POLR1A: variants seen among roughly 807,000 people sequenced by gnomAD.
The protein encoded by POLR1A is RNA polymerase I subunit A, also known as DNA-directed RNA polymerase I subunit RPA1.
POLR1A carries 84 observed loss-of-function variants against 205.3 expected under a neutral mutation model. The observed-to-expected ratio is 0.41, with a 90% confidence interval of 0.34 to 0.49. The LOEUF is 0.49. POLR1A is among the 20% of genes least tolerant of loss of function. The pLI, the probability that POLR1A is intolerant of heterozygous loss-of-function variation, is 0.22. For missense variants in POLR1A, 1,645 were observed against 2,204.5 expected (o/e 0.75, Z 5.08); for synonymous variants, 799 against 863.7 (o/e 0.93, Z 1.31).
chr2:86,062,020 C>T lies in POLR1A; in HGVS notation c.2058+3254G>A, dbSNP rs140053905. On this transcript the variant is annotated intron_variant, in intron 14 of 33. Transcript: ENST00000263857. ...CTTTGAACAAATAATGAGAGACCTT[C>T]GGTTTGTAAATAGAAAATCAATCAA... Among the ~76,000 whole-genome samples, 180 of 152,244 alleles carry T rather than the reference C, an allele frequency of 1.2e-3. 3 individuals carry two copies. The highest frequency in any genetic ancestry group is 4.0e-3 in the African/African-American group (166 of 41,552).
Position 86,045,266 on chromosome 2 carries a change from G to A in POLR1A, c.2969+12C>T. On this transcript the variant is annotated intron_variant, in intron 21 of 33. Coordinates refer to ENST00000263857, the MANE Select transcript of POLR1A (RefSeq NM_015425.6). ...GCACTCTACCTCAAGGGGCACGGCA[G>A]ATACATTTTACCTTTGGAGATAGCC... 2.5e-6 allele frequency: 4 copies of A among 1,584,406 alleles called. No homozygotes were observed. The highest frequency in any genetic ancestry group is 1.1e-5 in the South Asian group (1 of 90,452).
At chr2:86,088,718 T>A (rs1673550396) in intron 5 of POLR1A, 49 bp from the exon 6 acceptor site, 1 of 1,596,080 alleles carries the variant, frequency 6.3e-7, no homozygotes, top group Non-Finnish European at 8.6e-7. Flanking sequence ...CCCAGTAAGA[T>A]ATTTAATAAT....
rs764885539 is a variant in POLR1A at position 86,075,117 on chromosome 2, G to A, written c.1524C>T (p.Ser508=). 69 of 1,613,232 alleles carry A rather than the reference G, an allele frequency of 4.3e-5. No homozygotes were observed. In the South Asian group the frequency reaches 4.4e-4, roughly 10 times the overall value. Residue 508 remains serine (S), a synonymous_variant, in exon 12 of 34, where the codon AGC becomes AGT. Transcript: ENST00000263857. The part of the protein sequence containing the change: ...INEDGSRTAL[S]AVDMTQREAV... ...CCTCTCGCTGGGTCATGTCCACAGC[G>A]CTCAGGGCTGTGCGGCTGCCGTCCT...
chr2:86,083,153 T>G lies in POLR1A; in HGVS notation c.746A>C (p.Gln249Pro). Reference protein sequence around the residue: ...DSEPLGIEEAQIGKRGYLTPT... With the variant: ...DSEPLGIEEAPIGKRGYLTPT... ...TGTTAAGTATCCTCGTTTTCCTATC[T>G]GAGCTTCCTCAATTCCTGGAGCCAA... Residue 249 changes from glutamine (Q) to proline (P), a missense_variant, in exon 7 of 34, where the codon CAG (glutamine) becomes CCG (proline). Around this residue, in one of 16 missense-constraint regions of POLR1A, gnomAD observed 330 missense variants for 375.6 expected, o/e 0.88. Coordinates refer to ENST00000263857, the MANE Select transcript of POLR1A (RefSeq NM_015425.6). The G allele has an allele frequency of 6.2e-7, 1 of 1,613,514 alleles. No individual in the cohort carries two copies. The highest frequency in any genetic ancestry group is 8.5e-7 in the Non-Finnish European group (1 of 1,179,408).
At chr2:86,098,348 C>A (rs1031009520) in intron 3 of POLR1A, among the ~76,000 whole-genome samples, 1 of 152,124 alleles carries the variant, frequency 6.6e-6, no homozygotes, top group African/African-American at 2.4e-5. Flanking sequence ...TTGAATAAAC[C>A]TTGATTGAAT....
rs1261246449 is a variant in POLR1A, at chr2:86,024,574, G to C, written c.*2849C>G. 6.6e-6 allele frequency: 1 copy of C among 152,158 alleles called. No homozygotes were observed. The highest frequency in any genetic ancestry group is 1.5e-5 in the Non-Finnish European group (1 of 68,056). The allele number at this position is 152,158 out of a possible 1,614,324, so 9.4% of individuals were successfully genotyped here. ...CTGTGGGAATGCTGATAGTGTTTCTGGTGAGAACCCAAAAAAGAGACACTA... is the reference window on the plus strand; with the variant it reads ...CTGTGGGAATGCTGATAGTGTTTCTCGTGAGAACCCAAAAAAGAGACACTA... On this transcript the variant is annotated 3_prime_UTR_variant, in exon 34 of 34. Transcript: ENST00000263857.
At position 86,027,435 on chromosome 2, in the gene POLR1A, C is replaced by A. The variant is rs372394583; in HGVS notation, c.5151G>T (p.Gln1717His). The change falls in exon 34 of 34, where the codon CAG (glutamine) becomes CAT (histidine). Residue 1717 changes from glutamine (Q) to histidine (H), a missense_variant. Gln to His is a conservative substitution (Grantham distance 24, BLOSUM62 0). Coordinates refer to ENST00000263857, the MANE Select transcript of POLR1A (RefSeq NM_015425.6). ...RGGTGLFELKQPLR is the reference protein window; with the variant it reads ...RGGTGLFELKHPLR ...GCCGGGGTAGCTGCTATCTCAGAGG[C>A]TGCTTGAGCTCGAACAGGCCTGTCC... The A allele has an allele frequency of 6.2e-7, 1 of 1,614,056 alleles. No individual in the cohort carries two copies. Among genetic ancestry groups the A allele is most frequent in the Non-Finnish European group, 8.5e-7 (1 of 1,179,910 alleles).
intron 1 of POLR1A, among the ~76,000 whole-genome samples, chr2:86,102,557 C>T (rs759851016): frequency 1.8e-4 from 27 of 152,210 alleles, no homozygotes; most frequent in Non-Finnish European, 2.9e-4. Context: ...TATTTTCCCC[C>T]ATTCCATGGG....
chr2:86,087,592 G>A (rs1438754799), intron 6 of POLR1A, among the ~76,000 whole-genome samples: 1 of 152,204 alleles, frequency 6.6e-6, no homozygotes, highest in African/African-American at 2.4e-5. Flanking sequence ...ACCCAGACTG[G>A]AGTGCGGTGG....
intron 27 of POLR1A, among the ~76,000 whole-genome samples, chr2:86,037,901 G>A (rs1672527972): frequency 6.6e-6 from 1 of 152,228 alleles, no homozygotes; most frequent in Non-Finnish European, 1.5e-5. Context: ...GGTGCCCCTT[G>A]AGACAGGTTC....
intron 3 of POLR1A, among the ~76,000 whole-genome samples, chr2:86,098,252 T>C (rs1472754364): frequency 6.6e-6 from 1 of 152,198 alleles, no homozygotes; most frequent in African/African-American, 2.4e-5. Flanking sequence ...AAAAAGTTGG[T>C]ATCATGAAAA....
At chr2:86,063,322 C>T (rs1673030049) in intron 14 of POLR1A, among the ~76,000 whole-genome samples, 1 of 45,564 alleles carries the variant, frequency 2.2e-5, no homozygotes. Context: ...GCAGCAAGAG[C>T]AAAACTCCAT....
At chr2:86,071,228 A>ATGTGTGTGTG (rs3077169) in intron 12 of POLR1A, among the ~76,000 whole-genome samples, 3 of 43,622 alleles carry the variant, frequency 6.9e-5, no homozygotes, top group South Asian at 1.7e-3. Flanking sequence ...CTCCGTGTGC[A>ATGTGTGTGTG]TGTGTGTGTG....
chr2:86,029,181 C>T (rs1187021496), intron 31 of POLR1A, among the ~76,000 whole-genome samples: 1 of 152,216 alleles, frequency 6.6e-6, no homozygotes, highest in East Asian at 1.9e-4. Flanking sequence ...TTGGAGGAGC[C>T]TCTCACCCTG....
At chr2:86,086,140 C>T (rs1239354575) in intron 6 of POLR1A, among the ~76,000 whole-genome samples, 2 of 152,158 alleles carry the variant, frequency 1.3e-5, no homozygotes, top group Non-Finnish European at 2.9e-5. Flanking sequence ...CTCACTGCAA[C>T]CTCCGCCTCC....
chr2:86,087,655 G>C (rs113932276), intron 6 of POLR1A, among the ~76,000 whole-genome samples: 3,818 of 152,274 alleles, frequency 0.025, 164 homozygotes, highest in African/African-American at 0.086. Flanking sequence ...CGATTCTCCT[G>C]CCCTAGCCTC....
At position 86,105,757 on chromosome 2, in the gene POLR1A, A is replaced by C; in HGVS notation, c.20T>G (p.Met7Arg). 1 of 1,614,092 alleles carries C rather than the reference A, an allele frequency of 6.2e-7. No homozygotes were observed. Among genetic ancestry groups the C allele is most frequent in the African/African-American group, 1.3e-5 (1 of 75,074 alleles). MLISKN[M>R]PWRRLQGISF... is the part of the protein sequence containing the mutation. ...AATGCCCTGCAGCCGCCGCCAGGGC[A>C]TGTTCTTGGAGATCAACATCCTCCA... Residue 7 changes from methionine (M) to arginine (R), a missense_variant, in exon 1 of 34, where the codon ATG becomes AGG. Met to Arg is a moderately conservative substitution (Grantham distance 91). This residue lies in a region of POLR1A where 330 missense variants were observed against 375.6 expected (regional missense o/e 0.88). Coordinates refer to ENST00000263857, the MANE Select transcript of POLR1A (RefSeq NM_015425.6).
intron 1 of POLR1A, among the ~76,000 whole-genome samples, chr2:86,102,254 T>A (rs1673834376): frequency 6.6e-6 from 1 of 152,250 alleles, no homozygotes; most frequent in Non-Finnish European, 1.5e-5. Flanking sequence ...TTCACACTAA[T>A]GGTGTACAAA....
rs1673154142 is a variant in POLR1A at position 86,070,332 on chromosome 2, T to C, written c.1612-60A>G. ...AAACGTCAGTATCACCACGGCTCTT[T>C]CCAAGTGCTCACCTCAGCTTGACCA... On this transcript the variant is annotated intron_variant, in intron 12 of 33. Coordinates refer to ENST00000263857, the MANE Select transcript of POLR1A (RefSeq NM_015425.6). The surrounding 1 kb of genome is among the most constrained non-coding windows in gnomAD (Gnocchi z 4.4). The C allele has an allele frequency of 6.6e-6, 10 of 1,524,232 alleles. No homozygotes were observed. In the Middle Eastern group the frequency reaches 7.1e-4, roughly 108 times the overall value. The allele number at this position is 1,524,232 out of a possible 1,614,324, so 94.4% of individuals were successfully genotyped here.
Sources: gnomAD v4.1 joint callset for allele counts (sites outside exome capture counted in the v4.1 genomes callset) on GRCh38, gnomAD v4.1.1 for gene constraint, gnomAD v4.1.1 regional missense constraint, Gnocchi (gnomAD v3.1) non-coding constraint, MANE v1.5 for transcripts, NCBI Gene and HGNC (gene_info 2026-07-23, HGNC 2026-07-21) for gene names.